The following CGREF1 variants were observed in gnomAD, a reference collection of about 807,000 sequenced individuals.
The protein encoded by CGREF1 is cell growth regulator with EF-hand domain 1, also known as cell growth regulator with EF hand domain protein 1.
CGREF1 carries 16 observed loss-of-function variants against 17.4 expected under a neutral mutation model. The ratio of observed to expected loss-of-function variants is 0.92; its 90% CI spans 0.62 to 1.40. The LOEUF (loss-of-function observed/expected upper bound fraction) is 1.40, where lower values mean the gene tolerates loss of function less well. Among genes scored for constraint, CGREF1 ranks in the 40% most tolerant of loss-of-function variants. The pLI, the probability that CGREF1 is intolerant of heterozygous loss-of-function variation, is 0.00. For missense variants in CGREF1, 296 were observed against 376.4 expected, an observed-to-expected ratio of 0.79 and a Z score of 1.77; for synonymous variants, 142 against 154.6, an observed-to-expected ratio of 0.92 and a Z score of 0.61.
intron 5 of CGREF1, 78 bp from the exon 6 acceptor site, chr2:27,101,966 T>C: frequency 6.4e-7 from 1 of 1,570,920 alleles, no homozygotes; most frequent in Non-Finnish European, 8.6e-7. Flanking sequence ...AACACACCCT[T>C]GCATCCCTGC....
At chr2:27,104,754 A>G in intron 1 of CGREF1, 1 of 1,489,720 alleles carries the variant, frequency 6.7e-7, no homozygotes, top group South Asian at 1.3e-5. Flanking sequence ...AAAGGAGCGC[A>G]GAAAGTTTAA....
chr2:27,113,113 G>A (rs1671452433), intron 1 of CGREF1, among the ~76,000 whole-genome samples: 1 of 152,200 alleles, frequency 6.6e-6, no homozygotes, highest in South Asian at 2.1e-4. Flanking sequence ...AATGGGCAGA[G>A]AGAGGGCTGC....
chr2:27,111,980 C>G (rs1172947902), intron 1 of CGREF1, among the ~76,000 whole-genome samples: 1 of 152,214 alleles, frequency 6.6e-6, no homozygotes, highest in Non-Finnish European at 1.5e-5. Flanking sequence ...GCCGAGGAGG[C>G]GCCGAGAACG....
Position 27,116,886 on chromosome 2 carries a change from TC to T in CGREF1, c.-12+1959del. Among the ~76,000 whole-genome samples the T allele has an allele frequency of 2.4e-5, 2 of 83,974 alleles. 1 individual carries two copies. Among genetic ancestry groups the T allele is most frequent in the South Asian group, 7.7e-4 (2 of 2,596 alleles). 55.1% of individuals were successfully genotyped at this position (83,974 alleles called of 152,430 possible). A position where few individuals can be genotyped will look rare whatever the true frequency, so the allele number is the denominator to read the frequency against. On this transcript the variant is annotated intron_variant, in intron 1 of 5. Transcript: ENST00000402394. ...GCCAGGCCTATTCTCTCTCTCTCTCTCTCTCTCTCTCTCTCTCTCTCTCTCT... is the reference window on the plus strand; with the variant it reads ...GCCAGGCCTATTCTCTCTCTCTCTCTTCTCTCTCTCTCTCTCTCTCTCTCT...
downstream of CGREF1, chr2:27,099,494 A>T: frequency 6.2e-7 from 1 of 1,614,092 alleles, no homozygotes; most frequent in South Asian, 1.1e-5. Context: ...CTCCACTCGG[A>T]TGCTTTCCCG....
At chr2:27,100,464 A>T (rs1196496690), downstream of CGREF1, 2 of 1,290,900 alleles carry the variant, frequency 1.5e-6, no homozygotes, top group Non-Finnish European at 1.0e-6. Flanking sequence ...CAGGATACAG[A>T]GTGTTGCTGT....
At chr2:27,099,614 C>T (rs1485730966), downstream of CGREF1, 1 of 1,614,130 alleles carries the variant, frequency 6.2e-7, no homozygotes, top group Non-Finnish European at 8.5e-7. Context: ...GGACTGGGAC[C>T]TGTCCCTGCC....
chr2:27,102,390 C>A lies in CGREF1; in HGVS notation c.187G>T (p.Val63Leu). The change falls in exon 4 of 6, where the codon GTG (valine) becomes TTG (leucine). Residue 63 changes from valine (V) to leucine (L), a missense_variant. Transcript: ENST00000402394. ...TCCCGGCTCAGATGCTCCAGTTGCA[C>A]TTCTGTCCTTCCTAGTCCCTTTAGG... Reference protein sequence around the residue: ...SYLKGLGRTEVQLEHLSREQV... With the variant: ...SYLKGLGRTELQLEHLSREQV... 1 of 1,614,192 alleles carries A rather than the reference C, an allele frequency of 6.2e-7. No individual in the cohort carries two copies. Among genetic ancestry groups the A allele is most frequent in the South Asian group, 1.1e-5 (1 of 91,086 alleles).
rs190233848 is a variant in CGREF1 at position 27,117,487 on chromosome 2, T to C, written c.-12+1359A>G. Among the ~76,000 whole-genome samples the C allele has an allele frequency of 2.6e-5, 4 of 152,350 alleles. No individual in the cohort carries two copies. The East Asian group carries it at 7.7e-4, about 29-fold the overall frequency. On this transcript the variant is annotated intron_variant, in intron 1 of 5. Transcript: ENST00000402394. Reference sequence around the variant, plus strand: ...ATAAACACATGAAAGCCACCATAACTGTTAACAGTTGCCATGTAATTTAAT... The same window carrying C: ...ATAAACACATGAAAGCCACCATAACCGTTAACAGTTGCCATGTAATTTAAT...
At chr2:27,103,110 T>C (rs1670972311) in intron 2 of CGREF1, 3 of 985,266 alleles carry the variant, frequency 3.0e-6, no homozygotes, top group South Asian at 9.4e-5. Flanking sequence ...TCGTTGTCAG[T>C]CTTTCAAGCT....
chr2:27,100,103 A>C (rs1037945135), downstream of CGREF1: 2 of 574,246 alleles, frequency 3.5e-6, no homozygotes, highest in African/African-American at 3.8e-5. Context: ...CCTGGGCTAG[A>C]GCAGCGAGAA....
downstream of CGREF1, chr2:27,099,837 T>G: frequency 6.4e-7 from 1 of 1,559,846 alleles, no homozygotes; most frequent in Non-Finnish European, 8.7e-7. Context: ...GCGTCCAGGT[T>G]GCCCTGTTCA....
intron 1 of CGREF1, among the ~76,000 whole-genome samples, chr2:27,118,614 A>G (rs1024032459): frequency 6.6e-6 from 1 of 152,110 alleles, no homozygotes; most frequent in African/African-American, 2.4e-5. Flanking sequence ...CGAAGCCCCA[A>G]ATTCACACCA....
Position 27,101,611 on chromosome 2 carries a change from TC to T in CGREF1, c.619del (p.Glu207SerfsTer115). The T allele has an allele frequency of 6.2e-7, 1 of 1,614,022 alleles. No homozygotes were observed. The highest frequency in any genetic ancestry group is 8.5e-7 in the Non-Finnish European group (1 of 1,180,014). The stretch of plus-strand genomic sequence containing the variant: ...ATCAGCCTCTGCCTGGCCCCCAGGC[TC>T]CTGGACAGGATCCAAAGACTCCCTT... ...ARRESLDPVQEPGGQAEADGD... is the reference protein window; with the variant it reads ...ARRESLDPVQXPGGQAEADGD... On this transcript the variant is annotated frameshift_variant, in exon 6 of 6. Coordinates refer to ENST00000402394, the MANE Select transcript of CGREF1 (RefSeq NM_006569.6). LOFTEE classifies it low-confidence loss of function (END_TRUNC).
chr2:27,106,553 G>C (rs1671126566), intron 1 of CGREF1, among the ~76,000 whole-genome samples: 1 of 152,166 alleles, frequency 6.6e-6, no homozygotes, highest in Admixed American at 6.5e-5. Flanking sequence ...GTGCTGTGTA[G>C]AAGGGAGAAA....
rs141356077 is a variant in CGREF1 at position 27,106,695 on chromosome 2, C to T, written c.-11-2318G>A. Among the ~76,000 whole-genome samples the T allele has an allele frequency of 8.2e-3, 1,249 of 152,302 alleles. 11 individuals carry two copies. Among genetic ancestry groups the T allele is most frequent in the Non-Finnish European group, 0.012 (784 of 68,032 alleles). ...GCTGTGGCATGATATCAGCTCACTG[C>T]AACCTCCACCTCCCGGGCTCAAGCG... On this transcript the variant is annotated intron_variant, in intron 1 of 5. Transcript: ENST00000402394.
chr2:27,113,401 C>T (rs900352304), intron 1 of CGREF1, among the ~76,000 whole-genome samples: 13 of 152,198 alleles, frequency 8.5e-5, no homozygotes, highest in Non-Finnish European at 1.3e-4. Flanking sequence ...ATATTCATTT[C>T]TTTAATATTT....
At chr2:27,100,311 T>TCTGCC, downstream of CGREF1, 1 of 689,942 alleles carries the variant, frequency 1.4e-6, no homozygotes, top group South Asian at 1.6e-5. Context: ...GTGCGCCTCC[T>TCTGCC]CTGCCCTGCC....
At chr2:27,106,494 A>G (rs1460733809) in intron 1 of CGREF1, among the ~76,000 whole-genome samples, 1 of 152,150 alleles carries the variant, frequency 6.6e-6, no homozygotes, top group African/African-American at 2.4e-5. Context: ...ACAAAAAGTA[A>G]ATTTGTCATG....
Sources: allele counts gnomAD v4.1 joint callset (sites outside exome capture counted in the v4.1 genomes callset), GRCh38; gene constraint gnomAD v4.1.1; transcripts MANE v1.5; gene names NCBI Gene and HGNC (gene_info 2026-07-23, HGNC 2026-07-21).